ARID1B: variants seen among roughly 807,000 people sequenced by gnomAD.
ARID1B encodes the protein AT-rich interactive domain-containing protein 1B.
In ARID1B, 30 loss-of-function variants were observed where a neutral mutation model predicts 212.3. The observed-to-expected ratio is 0.14, with a 90% CI of 0.11 to 0.19. ARID1B has a LOEUF of 0.19. ARID1B is among the 10% of genes least tolerant of loss of function. The pLI, the probability that ARID1B is intolerant of heterozygous loss-of-function variation, is 1.00. For synonymous variants in ARID1B, 1,402 were observed against 1,301.7 expected (o/e 1.08, Z -1.66); for missense variants, 2,891 against 3,204.0 (o/e 0.90, Z 2.36).
At chr6:157,039,612 A>G (rs991440910) in intron 4 of ARID1B, among the ~76,000 whole-genome samples, 3 of 132,208 alleles carry the variant, frequency 2.3e-5, no homozygotes, top group Non-Finnish European at 4.8e-5. Flanking sequence ...TCCAAAAGCT[A>G]CCTACCTTCC....
chr6:156,988,532 C>T (rs1425634221), intron 4 of ARID1B, among the ~76,000 whole-genome samples: 2 of 152,174 alleles, frequency 1.3e-5, no homozygotes, highest in Non-Finnish European at 2.9e-5. Context: ...GCAGCACATC[C>T]TCTTGCTTCT....
intron 4 of ARID1B, among the ~76,000 whole-genome samples, chr6:157,037,739 G>A (rs1781424745): frequency 6.6e-6 from 1 of 152,166 alleles, no homozygotes; most frequent in Admixed American, 6.5e-5. Flanking sequence ...TTGGAGGACG[G>A]ATTAACCAGA....
chr6:156,875,451 A>G (rs1358857783), intron 2 of ARID1B, among the ~76,000 whole-genome samples: 1 of 152,252 alleles, frequency 6.6e-6, no homozygotes, highest in Admixed American at 6.5e-5. Flanking sequence ...TGTAATGGTC[A>G]ATGTTAAAAG....
At chr6:156,845,141 C>T (rs1220242164) in intron 2 of ARID1B, among the ~76,000 whole-genome samples, 8 of 151,276 alleles carry the variant, frequency 5.3e-5, no homozygotes, top group Non-Finnish European at 1.0e-4. Flanking sequence ...TTAATTAGAC[C>T]AGCCATACTG....
At chr6:157,185,613 G>A (rs1263585042) in intron 13 of ARID1B, 3 of 152,198 alleles carry the variant, frequency 2.0e-5, no homozygotes, top group Non-Finnish European at 4.4e-5. Flanking sequence ...TGGGGCATCT[G>A]GTGCTACAGT....
At chr6:156,880,345 T>G (rs866634494) in intron 2 of ARID1B, among the ~76,000 whole-genome samples, 4 of 152,312 alleles carry the variant, frequency 2.6e-5, no homozygotes, top group South Asian at 2.1e-4. Flanking sequence ...ATTTCTAAGA[T>G]AGTAGATAAG....
At chr6:156,815,750 T>A (rs1423575153) in intron 1 of ARID1B, among the ~76,000 whole-genome samples, 2 of 152,262 alleles carry the variant, frequency 1.3e-5, no homozygotes, top group Non-Finnish European at 2.9e-5. Flanking sequence ...TTGTTGTTGC[T>A]GTTACTATCC....
At chr6:156,958,793 T>C (rs1794149222) in intron 4 of ARID1B, among the ~76,000 whole-genome samples, 1 of 151,956 alleles carries the variant, frequency 6.6e-6, no homozygotes, top group Non-Finnish European at 1.5e-5. Context: ...AACCAAGGGG[T>C]GATTGTAGTC....
intron 4 of ARID1B, chr6:156,943,508 C>T (rs1022479126): frequency 2.7e-5 from 4 of 150,368 alleles, no homozygotes; most frequent in South Asian, 4.2e-4. Flanking sequence ...CATGTTGGTA[C>T]GATTGTCTCT....
intron 4 of ARID1B, among the ~76,000 whole-genome samples, chr6:157,059,067 GT>G (rs532432548): frequency 7.5e-4 from 106 of 140,494 alleles, no homozygotes; most frequent in East Asian, 2.3e-3. Flanking sequence ...TTGTGTTTTT[GT>G]TTTTTTTTTT....
At chr6:157,178,560 G>A (rs138757725) in intron 11 of ARID1B, among the ~76,000 whole-genome samples, 14 of 152,298 alleles carry the variant, frequency 9.2e-5, no homozygotes, top group East Asian at 7.7e-4. Context: ...AGGCCTGACC[G>A]TGTCAGTTCC....
chr6:156,932,547 T>A (rs1331620268), intron 3 of ARID1B, among the ~76,000 whole-genome samples: 1 of 152,252 alleles, frequency 6.6e-6, no homozygotes. Flanking sequence ...TGTGCTTCTT[T>A]GTTTATAAAA....
At chr6:157,123,199 T>C (rs1400282570) in intron 6 of ARID1B, among the ~76,000 whole-genome samples, 1 of 148,726 alleles carries the variant, frequency 6.7e-6, no homozygotes, top group Admixed American at 6.7e-5. Context: ...TCTGTCTCTG[T>C]CTCTCTCTCA....
Position 156,813,109 on chromosome 6 carries a change from T to TA in ARID1B, c.1792-16118_1792-16117insA, listed in dbSNP as rs1491446856. Among the ~76,000 whole-genome samples the TA allele has an allele frequency of 6.6e-4, 30 of 45,332 alleles. 1 individual carries two copies. The highest frequency in any genetic ancestry group is 5.6e-3 in the East Asian group (2 of 358). The allele number at this position is 45,332 out of a possible 152,430, so 29.7% of individuals were successfully genotyped here. A position where few individuals can be genotyped will look rare whatever the true frequency, so the allele number is the denominator to read the frequency against. The stretch of plus-strand genomic sequence containing the variant: ...ATGTATATACATACATATATATATA[T>TA]TTTTTTTTTTTTTGAGACGGAGTCT... On this transcript the variant is annotated intron_variant, in intron 1 of 19. Transcript: ENST00000636930.
At chr6:156,894,019 C>G (rs1788172996) in intron 2 of ARID1B, among the ~76,000 whole-genome samples, 1 of 152,056 alleles carries the variant, frequency 6.6e-6, no homozygotes, top group Non-Finnish European at 1.5e-5. Context: ...TCACAATACT[C>G]AAAAGTTGGA....
chr6:156,922,044 T>C (rs932965088), intron 3 of ARID1B, among the ~76,000 whole-genome samples: 4 of 152,198 alleles, frequency 2.6e-5, no homozygotes, highest in African/African-American at 9.7e-5. Context: ...GGTCTGTACC[T>C]CTTTATCCAG....
intron 4 of ARID1B, among the ~76,000 whole-genome samples, chr6:156,988,231 A>C (rs773490008): frequency 7.2e-5 from 11 of 152,228 alleles, no homozygotes; most frequent in Non-Finnish European, 1.6e-4. Flanking sequence ...AGGATAAAAA[A>C]CAGACCAGTA....
chr6:156,950,524 T>A (rs189463040), intron 4 of ARID1B, among the ~76,000 whole-genome samples: 1 of 152,322 alleles, frequency 6.6e-6, no homozygotes, highest in East Asian at 1.9e-4. Context: ...GAAATATACC[T>A]TTTTCAATTC....
chr6:156,829,147 G>A, intron 1 of ARID1B, 80 bp from the exon 2 acceptor site: 1 of 1,103,086 alleles, frequency 9.1e-7, no homozygotes, highest in Non-Finnish European at 1.3e-6. Context: ...TGTTATTAAT[G>A]CATATGTTGA....
Sources: allele counts gnomAD v4.1 joint callset (sites outside exome capture counted in the v4.1 genomes callset), GRCh38; gene constraint gnomAD v4.1.1; transcripts MANE v1.5; gene names NCBI Gene and HGNC (gene_info 2026-07-23, HGNC 2026-07-21).